BOD1L1: variants seen among roughly 807,000 people sequenced by gnomAD.
The protein encoded by BOD1L1 is biorientation of chromosomes in cell division 1 like 1.
Under a neutral mutation model 240.7 loss-of-function variants are expected in BOD1L1, and 86 were observed. The ratio of observed to expected loss-of-function variants is 0.36; its 90% CI spans 0.30 to 0.43. The LOEUF (loss-of-function observed/expected upper bound fraction) is 0.43, where lower values mean the gene tolerates loss of function less well. BOD1L1 is among the 20% of genes least tolerant of loss of function. The pLI is 1.00. For synonymous variants in BOD1L1, 1,268 were observed against 1,272.3 expected (o/e 1.00, Z 0.07); for missense variants, 3,554 against 3,643.5 (o/e 0.98, Z 0.63).
intron 21 of BOD1L1, among the ~76,000 whole-genome samples, chr4:13,580,463 C>T (rs1157477066): frequency 6.6e-6 from 1 of 152,190 alleles, no homozygotes; most frequent in Non-Finnish European, 1.5e-5. Context: ...GGTCAGTGAA[C>T]ACACGTCTGT....
At position 13,602,962 on chromosome 4, in the gene BOD1L1, C is replaced by T. The variant is rs1226366386; in HGVS notation, c.3938G>A (p.Ser1313Asn). 1 of 1,613,850 alleles carries T rather than the reference C, an allele frequency of 6.2e-7. No homozygotes were observed. The highest frequency in any genetic ancestry group is 1.3e-5 in the African/African-American group (1 of 74,918). The change falls in exon 10 of 26, where the codon AGC becomes AAC. Residue 1313 changes from serine to asparagine, a missense_variant. By Grantham distance (46) the Ser-to-Asn change is conservative. Coordinates refer to ENST00000040738, the MANE Select transcript of BOD1L1 (RefSeq NM_148894.3). Reference sequence around the variant, plus strand: ...ATCCGCAGGGGAGGTGCTGGCTGTGCTACCTTCCAAAACAGTTCTTTTGTC... The same window carrying T: ...ATCCGCAGGGGAGGTGCTGGCTGTGTTACCTTCCAAAACAGTTCTTTTGTC... ...LFDKRTVLEGSTASTSPADHS... is the reference protein window; with the variant it reads ...LFDKRTVLEGNTASTSPADHS...
rs1279239582 is a variant in BOD1L1 at position 13,604,957 on chromosome 4, G to C, written c.1943C>G (p.Ser648Cys). ...LHVVDENKNE[S>C]KLEREHKRRT... is the part of the protein sequence containing the mutation. ...TCTTTTATGTTCTCTTTCTAATTTG[G>C]ATTCATTTTTGTTTTCGTCAACTAC... The change falls in exon 10 of 26, where the codon TCC becomes TGC. Residue 648 changes from serine (S) to cysteine (C), a missense_variant. By Grantham distance (112) the Ser-to-Cys change is moderately radical. This residue lies in a region of BOD1L1 where 3,393 missense variants were observed against 3,427.1 expected (regional missense o/e 0.99). Transcript: ENST00000040738. 1 of 1,613,458 alleles carries C rather than the reference G, an allele frequency of 6.2e-7. No individual in the cohort carries two copies. Among genetic ancestry groups the C allele is most frequent in the Admixed American group, 1.7e-5 (1 of 59,888 alleles).
In BOD1L1 at chr4:13,599,262, C is replaced by T. The variant is rs757227197; in HGVS notation, c.7638G>A (p.Val2546=). ...CAGCAGGAAGAAAGGAATGCTCAGC[C>T]ACGGTCCCTTGAACAGGTGGCATGT... ...ADDMPPVQGT[V]AEHSFLPAEQ... is the part of the protein sequence containing the mutation. The change falls in exon 10 of 26, where the codon GTG becomes GTA. Residue 2546 remains valine, a synonymous_variant. Coordinates refer to ENST00000040738, the MANE Select transcript of BOD1L1 (RefSeq NM_148894.3). 6.2e-7 allele frequency: 1 copy of T among 1,613,690 alleles called. No individual in the cohort carries two copies. Among genetic ancestry groups the T allele is most frequent in the South Asian group, 1.1e-5 (1 of 91,056 alleles).
chr4:13,586,882 TTATC>T (rs1479134800), intron 16 of BOD1L1, among the ~76,000 whole-genome samples: 1 of 152,204 alleles, frequency 6.6e-6, no homozygotes, highest in African/African-American at 2.4e-5. Flanking sequence ...CTTAATCTCT[TTATC>T]TATAAGATGA....
At chr4:13,625,430 A>G (rs1474792496) in intron 1 of BOD1L1, 1 of 152,226 alleles carries the variant, frequency 6.6e-6, no homozygotes, top group Non-Finnish European at 1.5e-5. Flanking sequence ...CCTCCAAAAA[A>G]GGTTTTAATC....
In BOD1L1 at chr4:13,602,032, G is replaced by C. The variant is rs766402082; in HGVS notation, c.4868C>G (p.Ser1623Cys). ...GESGECAVAE[S>C]EDRAADLLAV... The stretch of plus-strand genomic sequence containing the variant: ...CAGTAGGTCTGCTGCTCTGTCCTCA[G>C]ATTCAGCCACAGCACACTCCCCACT... Residue 1623 changes from serine (S) to cysteine (C), a missense_variant, in exon 10 of 26, where the codon TCT (serine) becomes TGT (cysteine). This residue lies in a region of BOD1L1 where 3,393 missense variants were observed against 3,427.1 expected (regional missense o/e 0.99). Transcript: ENST00000040738. The C allele has an allele frequency of 1.3e-5, 21 of 1,613,864 alleles. No homozygotes were observed. The highest frequency in any genetic ancestry group is 1.5e-5 in the Non-Finnish European group (18 of 1,179,912).
intron 25 of BOD1L1, among the ~76,000 whole-genome samples, chr4:13,573,087 G>T (rs1418570391): frequency 2.6e-5 from 4 of 152,146 alleles, no homozygotes; most frequent in Admixed American, 1.3e-4. Flanking sequence ...TTAGAAAAAA[G>T]ATGTATCTGC....
At chr4:13,574,864 T>C (rs1712552604) in intron 25 of BOD1L1, among the ~76,000 whole-genome samples, 1 of 152,122 alleles carries the variant, frequency 6.6e-6, no homozygotes, top group Non-Finnish European at 1.5e-5. Flanking sequence ...AAATGGCTAA[T>C]ACTGTGTTAA....
intron 9 of BOD1L1, among the ~76,000 whole-genome samples, chr4:13,606,335 C>A (rs200208078): frequency 6.6e-6 from 1 of 152,056 alleles, no homozygotes; most frequent in African/African-American, 2.4e-5. Context: ...CTTCTAAATA[C>A]GCCTTTAATT....
rs774064973 is a variant in BOD1L1, at chr4:13,602,378, C to A, written c.4522G>T (p.Gly1508Trp). Residue 1508 changes from glycine to tryptophan, a missense_variant, in exon 10 of 26, where the codon GGG becomes TGG. Coordinates refer to ENST00000040738, the MANE Select transcript of BOD1L1 (RefSeq NM_148894.3). ...GAAGTCTTTTCTGCTCTCCTAGGCC[C>A]AGTTGCCACATCCTCAGTTTGTCCG... ...RNGQTEDVAT[G>W]PRRAEKTSVA... The A allele has an allele frequency of 6.2e-7, 1 of 1,613,950 alleles. No homozygotes were observed. The highest frequency in any genetic ancestry group is 2.2e-5 in the East Asian group (1 of 44,882).
chr4:13,597,805 A>C (rs1013306782), intron 10 of BOD1L1, among the ~76,000 whole-genome samples: 5 of 152,248 alleles, frequency 3.3e-5, no homozygotes, highest in African/African-American at 1.2e-4. Flanking sequence ...AATTTACTCC[A>C]GGCTAAATTC....
intron 25 of BOD1L1, among the ~76,000 whole-genome samples, chr4:13,575,965 C>A (rs1712692132): frequency 7.3e-6 from 1 of 136,294 alleles, no homozygotes; most frequent in Admixed American, 8.3e-5. Context: ...TGCAGTGGAG[C>A]CATCTCAGCT....
At chr4:13,571,265 T>C (rs577417839) in intron 25 of BOD1L1, among the ~76,000 whole-genome samples, 1 of 152,290 alleles carries the variant, frequency 6.6e-6, no homozygotes, top group East Asian at 1.9e-4. Context: ...GGGCAGTAAA[T>C]GTCCTGTCAA....
In BOD1L1 at chr4:13,602,799, T is replaced by C; in HGVS notation, c.4101A>G (p.Pro1367=). The C allele has an allele frequency of 6.2e-7, 1 of 1,614,004 alleles. No individual in the cohort carries two copies. The highest frequency in any genetic ancestry group is 8.5e-7 in the Non-Finnish European group (1 of 1,179,878). The change falls in exon 10 of 26, where the codon CCA becomes CCG. Residue 1367 remains proline, a synonymous_variant. Coordinates refer to ENST00000040738, the MANE Select transcript of BOD1L1 (RefSeq NM_148894.3). Reference sequence around the variant, plus strand: ...CCAATAAAGTAGCCTGGTGAGCTTCTGGAATGTGTCTTTTGCTAGTGATGC... The same window carrying C: ...CCAATAAAGTAGCCTGGTGAGCTTCCGGAATGTGTCTTTTGCTAGTGATGC... ...KASITSKRHI[P]EAHQATLLDG... is the part of the protein sequence containing the mutation.
intron 1 of BOD1L1, chr4:13,625,315 T>C (rs1181646436): frequency 1.3e-5 from 2 of 152,212 alleles, no homozygotes; most frequent in African/African-American, 4.8e-5. Flanking sequence ...TAGTTGACCA[T>C]TCTGAAGTAG....
Position 13,577,728 on chromosome 4 carries a change from T to A in BOD1L1, c.8750-97A>T, listed in dbSNP as rs1053993350. 1.4e-5 allele frequency: 11 copies of A among 800,730 alleles called. No homozygotes were observed. In the African/African-American group the frequency reaches 1.9e-4, roughly 14 times the overall value. The allele number at this position is 800,730 out of a possible 1,614,324, so 49.6% of individuals were successfully genotyped here. A position where few individuals can be genotyped will look rare whatever the true frequency, so the allele number is the denominator to read the frequency against. On this transcript the variant is annotated intron_variant, in intron 22 of 25. Coordinates refer to ENST00000040738, the MANE Select transcript of BOD1L1 (RefSeq NM_148894.3). ...TTGTCTGTCAATGTATCAGTATTAA[T>A]ACATTGTTATACATTTCATCATTAT...
chr4:13,614,523 G>A lies in BOD1L1; in HGVS notation c.847C>T (p.Leu283Phe). ...TTAATTTCTTCGACTGGACAGGGGA[G>A]GTCGCTGAACTCTTCAGACTTTGGG... ...TAPKSEEFSD[L>F]PCPVEEIKNY... The change falls in exon 4 of 26, where the codon CTC (leucine) becomes TTC (phenylalanine). Residue 283 changes from leucine (L) to phenylalanine (F), a missense_variant. This residue lies in a region of BOD1L1 where 3,393 missense variants were observed against 3,427.1 expected (regional missense o/e 0.99). Coordinates refer to ENST00000040738, the MANE Select transcript of BOD1L1 (RefSeq NM_148894.3). The A allele has an allele frequency of 6.2e-7, 1 of 1,613,968 alleles. No individual in the cohort carries two copies. Among genetic ancestry groups the A allele is most frequent in the Non-Finnish European group, 8.5e-7 (1 of 1,179,882 alleles).
At chr4:13,621,752 C>A (rs896422625) in intron 1 of BOD1L1, among the ~76,000 whole-genome samples, 2 of 152,114 alleles carry the variant, frequency 1.3e-5, no homozygotes, top group African/African-American at 2.4e-5. Context: ...CCCTCTGATG[C>A]CCTTTCATCA....
At position 13,577,054 on chromosome 4, in the gene BOD1L1, A is replaced by G; in HGVS notation, c.8885-63T>C. 1.9e-6 allele frequency: 3 copies of G among 1,562,766 alleles called. No homozygotes were observed. The South Asian group carries it at 3.6e-5, about 19-fold the overall frequency. On this transcript the variant is annotated intron_variant, in intron 24 of 25. Transcript: ENST00000040738. ...TCCCAAAGATACTTCCAAGAGAGAGAGTCATGGAGTTTAGAACTTAGGATA... is the reference window on the plus strand; with the variant it reads ...TCCCAAAGATACTTCCAAGAGAGAGGGTCATGGAGTTTAGAACTTAGGATA...
Sources: gnomAD v4.1 joint callset for allele counts (sites outside exome capture counted in the v4.1 genomes callset) on GRCh38, gnomAD v4.1.1 for gene constraint, gnomAD v4.1.1 regional missense constraint, MANE v1.5 for transcripts, NCBI Gene and HGNC (gene_info 2026-07-23, HGNC 2026-07-21) for gene names.